GTF2A1L: variants seen among roughly 807,000 people sequenced by gnomAD.
GTF2A1L encodes general transcription factor IIA subunit 1 like.
A neutral mutation model predicts 49.7 loss-of-function variants in GTF2A1L; 48 were observed. The observed-to-expected ratio is 0.97, with a 90% confidence interval of 0.77 to 1.23. GTF2A1L has a LOEUF of 1.23. GTF2A1L is among the 50% of genes most tolerant of loss of function. The pLI is 0.00. For missense variants in GTF2A1L, 736 were observed against 564.8 expected, an observed-to-expected ratio of 1.30 and a Z score of -3.07; for synonymous variants, 246 against 193.5, an observed-to-expected ratio of 1.27 and a Z score of -2.25.
intron 6 of GTF2A1L, among the ~76,000 whole-genome samples, chr2:48,647,517 C>T (rs568561652): frequency 1.3e-5 from 2 of 152,052 alleles, no homozygotes; most frequent in South Asian, 4.1e-4. Flanking sequence ...GAAATCCAGA[C>T]CAGTAGTTTG....
intron 4 of GTF2A1L, among the ~76,000 whole-genome samples, chr2:48,642,938 T>A (rs1222639168): frequency 6.6e-6 from 1 of 152,072 alleles, no homozygotes; most frequent in Non-Finnish European, 1.5e-5. Flanking sequence ...ACGCAGAAGT[T>A]CCAGAATTGA....
intron 6 of GTF2A1L, among the ~76,000 whole-genome samples, chr2:48,665,479 C>A (rs1284781711): frequency 6.6e-6 from 1 of 151,954 alleles, no homozygotes; most frequent in Non-Finnish European, 1.5e-5. Context: ...TCCCTCTAGG[C>A]ACTGCTTTGG....
rs771790841 is a variant in GTF2A1L at position 48,671,702 on chromosome 2, C to T, written c.1329+22C>T. 4 of 1,596,162 alleles carry T rather than the reference C, an allele frequency of 2.5e-6. No individual in the cohort carries two copies. The Admixed American group carries it at 5.2e-5, about 21-fold the overall frequency. On this transcript the variant is annotated intron_variant, in intron 8 of 8. Transcript: ENST00000403751. ...TAAGGTACTGTATTTACCTTTTGGA[C>T]TTTGGGTTTATTAACTGCATTTATA...
intron 6 of GTF2A1L, among the ~76,000 whole-genome samples, chr2:48,650,904 G>A (rs1403993496): frequency 1.3e-5 from 2 of 152,104 alleles, no homozygotes; most frequent in Non-Finnish European, 2.9e-5. Context: ...ATTTGATATA[G>A]TTTACGTTGA....
chr2:48,645,073 A>G lies in GTF2A1L; in HGVS notation c.344A>G (p.Tyr115Cys), dbSNP rs1467666364. 1 of 1,612,848 alleles carries G rather than the reference A, an allele frequency of 6.2e-7. No homozygotes were observed. Among genetic ancestry groups the G allele is most frequent in the African/African-American group, 1.3e-5 (1 of 74,838 alleles). The stretch of plus-strand genomic sequence containing the variant: ...AGTGCAAACTTTACTTTTCCTGGTT[A>G]TCCCATTCATGTACCAGCAGGTGTG... ...NSSANFTFPGYPIHVPAGVTL... is the reference protein window; with the variant it reads ...NSSANFTFPGCPIHVPAGVTL... The change falls in exon 5 of 9, where the codon TAT becomes TGT. Residue 115 changes from tyrosine to cysteine, a missense_variant. Physicochemically the swap from Tyr to Cys is radical, Grantham distance 194. Coordinates refer to ENST00000403751, the MANE Select transcript of GTF2A1L (RefSeq NM_006872.5).
intron 1 of GTF2A1L, among the ~76,000 whole-genome samples, chr2:48,619,481 AAT>A (rs1553371085): frequency 5.0e-5 from 7 of 139,916 alleles, no homozygotes; most frequent in African/African-American, 1.3e-4. Flanking sequence ...AAAAAAAAAA[AAT>A]AATAATAATA....
intron 3 of GTF2A1L, among the ~76,000 whole-genome samples, chr2:48,641,484 G>A (rs1335549429): frequency 6.6e-6 from 1 of 152,052 alleles, no homozygotes; most frequent in Admixed American, 6.5e-5. Context: ...TGCAGTTTGT[G>A]AAAAACAGGC....
chr2:48,621,049 C>T (rs1675968014), intron 2 of GTF2A1L, 97 bp downstream of exon 2: 3 of 1,506,260 alleles, frequency 2.0e-6, no homozygotes, highest in African/African-American at 1.4e-5. Context: ...TAGTTTAGTA[C>T]TTACCCATTC....
intron 3 of GTF2A1L, among the ~76,000 whole-genome samples, chr2:48,627,906 C>G (rs1450762714): frequency 7.0e-6 from 1 of 143,452 alleles, no homozygotes; most frequent in Non-Finnish European, 1.6e-5. Context: ...TACCCATTTT[C>G]TCTTGTTGGC....
chr2:48,621,146 C>CT (rs145169038), intron 2 of GTF2A1L, 21 bp from the exon 3 acceptor site: 253 of 1,566,142 alleles, frequency 1.6e-4, no homozygotes, highest in East Asian at 4.7e-4. Context: ...TTAAAGTAAA[C>CT]TTTTTTTTTC....
At chr2:48,621,566 G>A (rs1385061229) in intron 3 of GTF2A1L, among the ~76,000 whole-genome samples, 3 of 152,192 alleles carry the variant, frequency 2.0e-5, no homozygotes, top group Non-Finnish European at 4.4e-5. Context: ...CAGCTGTTGG[G>A]AGCACCCATT....
chr2:48,673,305 A>T (rs952499293), intron 8 of GTF2A1L, among the ~76,000 whole-genome samples: 5 of 151,940 alleles, frequency 3.3e-5, no homozygotes, highest in African/African-American at 1.2e-4. Flanking sequence ...AGACAGATTA[A>T]CAAGAGAAAA....
intron 6 of GTF2A1L, among the ~76,000 whole-genome samples, chr2:48,652,107 T>C (rs1476071782): frequency 6.6e-6 from 1 of 152,148 alleles, no homozygotes; most frequent in Non-Finnish European, 1.5e-5. Context: ...AAATTAAGTT[T>C]AGATTTGTAA....
At chr2:48,672,053 A>G (rs1679198202) in intron 8 of GTF2A1L, among the ~76,000 whole-genome samples, 1 of 152,234 alleles carries the variant, frequency 6.6e-6, no homozygotes, top group Non-Finnish European at 1.5e-5. Context: ...TCAAATGCTA[A>G]GATATGCAGC....
chr2:48,642,152 G>A (rs1392106384), intron 3 of GTF2A1L, among the ~76,000 whole-genome samples: 1 of 152,086 alleles, frequency 6.6e-6, no homozygotes, highest in African/African-American at 2.4e-5. Flanking sequence ...GATTTCCAAA[G>A]TACAGTATAG....
intron 6 of GTF2A1L, among the ~76,000 whole-genome samples, chr2:48,662,069 A>G (rs570843794): frequency 3.5e-4 from 53 of 152,276 alleles, no homozygotes; most frequent in South Asian, 3.1e-3. Context: ...TGTGGTTACC[A>G]CGGGTATTAC....
At chr2:48,674,074 A>C (rs1441185405) in intron 8 of GTF2A1L, among the ~76,000 whole-genome samples, 1 of 152,050 alleles carries the variant, frequency 6.6e-6, no homozygotes, top group Non-Finnish European at 1.5e-5. Context: ...CTCTATGAAC[A>C]TTTGGGTACA....
At chr2:48,673,520 G>A (rs1281027704) in intron 8 of GTF2A1L, among the ~76,000 whole-genome samples, 3 of 151,720 alleles carry the variant, frequency 2.0e-5, no homozygotes, top group East Asian at 1.9e-4. Context: ...CTGCCACCAC[G>A]CCCGGATAAT....
intron 3 of GTF2A1L, among the ~76,000 whole-genome samples, chr2:48,642,039 A>C (rs1015802508): frequency 2.0e-5 from 3 of 152,234 alleles, no homozygotes; most frequent in Non-Finnish European, 4.4e-5. Flanking sequence ...TTGGGTTAAC[A>C]TATTTATGCT....
Sources: gnomAD v4.1 joint callset for allele counts (sites outside exome capture counted in the v4.1 genomes callset) on GRCh38, gnomAD v4.1.1 for gene constraint, MANE v1.5 for transcripts, NCBI Gene and HGNC (gene_info 2026-07-23, HGNC 2026-07-21) for gene names.